Variants in SEMA3A observed in about 807,000 individuals in gnomAD.
SEMA3A encodes semaphorin-3A.
Under a neutral mutation model 97.9 loss-of-function variants are expected in SEMA3A, and 29 were observed. The observed-to-expected ratio is 0.30, with a 90% CI of 0.22 to 0.40. SEMA3A has a LOEUF of 0.40. SEMA3A is among the 10% of genes least tolerant of loss of function. The pLI is 1.00. For missense variants in SEMA3A, 763 were observed against 951.3 expected (o/e 0.80, Z 2.60); for synonymous variants, 321 against 323.7 (o/e 0.99, Z 0.09).
chr7:84,426,592 C>T (rs182490470), intron 1 of SEMA3A, among the ~76,000 whole-genome samples: 34 of 152,204 alleles, frequency 2.2e-4, no homozygotes, highest in Admixed American at 4.6e-4. Context: ...TCTAGCATCA[C>T]ATTTCTCTAC....
At chr7:84,379,026 C>T (rs142457009) in intron 1 of SEMA3A, among the ~76,000 whole-genome samples, 14,051 of 152,036 alleles carry the variant, frequency 0.092, 902 homozygotes, top group Non-Finnish European at 0.13. Flanking sequence ...CTCCCAGGTT[C>T]ATGCCGTTCT....
chr7:84,206,403 A>G (rs1798495400), intron 3 of SEMA3A, among the ~76,000 whole-genome samples: 2 of 150,310 alleles, frequency 1.3e-5, no homozygotes, highest in African/African-American at 4.9e-5. Flanking sequence ...GCTCACTGCA[A>G]GCTCCGCCTG....
At chr7:84,256,259 T>C (rs1799717468) in intron 3 of SEMA3A, among the ~76,000 whole-genome samples, 2 of 152,082 alleles carry the variant, frequency 1.3e-5, no homozygotes, top group Non-Finnish European at 2.9e-5. Context: ...GTAGTACCTA[T>C]AGATGTACTA....
chr7:84,456,210 T>C (rs1805680405), intron 1 of SEMA3A, among the ~76,000 whole-genome samples: 1 of 151,900 alleles, frequency 6.6e-6, no homozygotes, highest in Admixed American at 6.6e-5. Context: ...TCCTCTGTGC[T>C]TATAAAGAAA....
At chr7:84,357,621 C>T (rs1437740670) in intron 2 of SEMA3A, among the ~76,000 whole-genome samples, 3 of 152,048 alleles carry the variant, frequency 2.0e-5, no homozygotes, top group Non-Finnish European at 4.4e-5. Context: ...TTTATAGCAG[C>T]ATGATTTATA....
chr7:84,165,369 A>C (rs1797168564), intron 1 of SEMA3A, among the ~76,000 whole-genome samples: 1 of 152,214 alleles, frequency 6.6e-6, no homozygotes, highest in African/African-American at 2.4e-5. Flanking sequence ...TAAATTAAAA[A>C]TCATTATAAC....
chr7:84,488,159 G>C (rs1806627661), intron 1 of SEMA3A, among the ~76,000 whole-genome samples: 1 of 151,948 alleles, frequency 6.6e-6, no homozygotes, highest in African/African-American at 2.4e-5. Context: ...TAAATATTTT[G>C]TTTTTATTTT....
intron 15 of SEMA3A, among the ~76,000 whole-genome samples, chr7:83,965,971 G>A (rs753146517): frequency 4.0e-5 from 6 of 149,866 alleles, no homozygotes; most frequent in South Asian, 2.1e-4. Context: ...GAGCCACCGC[G>A]CCCAGCCACC....
chr7:84,031,828 C>A (rs542797580), intron 6 of SEMA3A, among the ~76,000 whole-genome samples: 1 of 152,092 alleles, frequency 6.6e-6, no homozygotes, highest in East Asian at 1.9e-4. Flanking sequence ...AAGAGTGAAA[C>A]TCCATCTCAA....
chr7:84,451,367 A>G (rs1562952339), intron 1 of SEMA3A, among the ~76,000 whole-genome samples: 1 of 152,194 alleles, frequency 6.6e-6, no homozygotes, highest in Non-Finnish European at 1.5e-5. Context: ...TCATAGGGAA[A>G]AGTCTCTGTT....
At chr7:84,262,204 GGTTTTTTGTTTTTT>G (rs1027216110) in intron 3 of SEMA3A, among the ~76,000 whole-genome samples, 3 of 151,766 alleles carry the variant, frequency 2.0e-5, no homozygotes, top group Non-Finnish European at 4.4e-5. Flanking sequence ...CTATTTTCAA[GGTTTTTTGTTTTTT>G]GTTTTTTGTT....
intron 2 of SEMA3A, among the ~76,000 whole-genome samples, chr7:84,320,921 G>T (rs1026223802): frequency 6.6e-6 from 1 of 151,966 alleles, no homozygotes; most frequent in Admixed American, 6.6e-5. Flanking sequence ...AAATGATGAG[G>T]TATATAGAAA....
At chr7:84,158,148 CTTTTTTTTTTT>C (rs1187182577) in intron 1 of SEMA3A, among the ~76,000 whole-genome samples, 2 of 82,298 alleles carry the variant, frequency 2.4e-5, no homozygotes, top group South Asian at 5.0e-4. Flanking sequence ...ACAGCTAATT[CTTTTTTTTTTT>C]TTTTTTTTTT....
intron 1 of SEMA3A, among the ~76,000 whole-genome samples, chr7:84,386,707 A>G (rs993313292): frequency 1.3e-5 from 2 of 152,184 alleles, no homozygotes; most frequent in African/African-American, 4.8e-5. Context: ...AATACTTAAG[A>G]GTGCAGGTTC....
rs1788430780 is a variant in SEMA3A, at chr7:83,960,727, T to C, written c.*644A>G. The C allele has an allele frequency of 1.3e-5, 2 of 152,608 alleles. No homozygotes were observed. The highest frequency in any genetic ancestry group is 2.4e-5 in the African/African-American group (1 of 41,450). The allele number at this position is 152,608 out of a possible 1,614,324, so 9.5% of individuals were successfully genotyped here. A position where few individuals can be genotyped will look rare whatever the true frequency, so the allele number is the denominator to read the frequency against. ...TATTTTTCATGGTACATTTAAATTA[T>C]AGTTTTAATAAAATACATCTTTAGA... On this transcript the variant is annotated 3_prime_UTR_variant, in exon 17 of 17. Coordinates refer to ENST00000265362, the MANE Select transcript of SEMA3A (RefSeq NM_006080.3).
chr7:84,458,155 T>C (rs1805732776), intron 1 of SEMA3A, among the ~76,000 whole-genome samples: 1 of 152,054 alleles, frequency 6.6e-6, no homozygotes, highest in East Asian at 1.9e-4. Context: ...ACAGAAGCAT[T>C]ATATGCACAA....
At chr7:84,035,428 G>A (rs1170764370) in intron 6 of SEMA3A, among the ~76,000 whole-genome samples, 1 of 151,906 alleles carries the variant, frequency 6.6e-6, no homozygotes, top group Non-Finnish European at 1.5e-5. Flanking sequence ...TGTCCATATT[G>A]TAGGAGTATT....
In SEMA3A at chr7:83,961,639, C is replaced by CCAT. The variant is rs1788475687; in HGVS notation, c.2045_2047dup (p.Asp682dup). On this transcript the variant is annotated inframe_insertion, in exon 17 of 17. Coordinates refer to ENST00000265362, the MANE Select transcript of SEMA3A (RefSeq NM_006080.3). ...CATTTCTTTGGTCTTAGAGCCATCT[C>CCAT]CATCATCATCTTTATGAAGAAGTTC... The CCAT allele has an allele frequency of 6.2e-7, 1 of 1,613,822 alleles. No individual in the cohort carries two copies. Among genetic ancestry groups the CCAT allele is most frequent in the Non-Finnish European group, 8.5e-7 (1 of 1,179,916 alleles).
chr7:84,125,840 A>C (rs189080127), intron 3 of SEMA3A, among the ~76,000 whole-genome samples: 2 of 152,354 alleles, frequency 1.3e-5, no homozygotes, highest in East Asian at 3.9e-4. Context: ...AGTTGATCCA[A>C]TTATGAAATC....
Sources: gnomAD v4.1 joint callset for allele counts (sites outside exome capture counted in the v4.1 genomes callset) on GRCh38, gnomAD v4.1.1 for gene constraint, MANE v1.5 for transcripts, NCBI Gene and HGNC (gene_info 2026-07-23, HGNC 2026-07-21) for gene names.